The following SLC25A48 variants were observed in gnomAD, a reference collection of about 807,000 sequenced individuals.
The protein encoded by SLC25A48 is solute carrier family 25 member 48, also known as CTC-321K16.1.
In SLC25A48, 29 loss-of-function variants were observed where a neutral mutation model predicts 32.2. The observed-to-expected ratio is 0.90, with a 90% CI of 0.67 to 1.23. The LOEUF is 1.23. Among genes scored for constraint, SLC25A48 ranks in the 50% most tolerant of loss-of-function variants. SLC25A48 has a pLI of 0.00. For synonymous variants in SLC25A48, 164 were observed against 172.3 expected (o/e 0.95, Z 0.38); for missense variants, 399 against 422.7 (o/e 0.94, Z 0.49).
intron 1 of SLC25A48, among the ~76,000 whole-genome samples, chr5:135,839,246 T>C (rs1271050812): frequency 1.3e-5 from 2 of 152,138 alleles, no homozygotes; most frequent in East Asian, 3.8e-4. Context: ...AAGGCTGTAC[T>C]CTGCAAAATC....
intron 3 of SLC25A48, among the ~76,000 whole-genome samples, chr5:135,766,715 T>A (rs557888148): frequency 6.8e-5 from 10 of 146,908 alleles, no homozygotes; most frequent in African/African-American, 2.3e-4. Context: ...TGGGGGAGAG[T>A]GGGTGCTATT....
chr5:135,793,228 T>C (rs1757081348), intron 3 of SLC25A48, among the ~76,000 whole-genome samples: 1 of 151,440 alleles, frequency 6.6e-6, no homozygotes, highest in Admixed American at 6.6e-5. Context: ...TTATTTATAA[T>C]ATCCTTGGGA....
chr5:135,702,037 A>G (rs1480832975), intron 3 of SLC25A48, among the ~76,000 whole-genome samples: 3 of 152,222 alleles, frequency 2.0e-5, no homozygotes, highest in Non-Finnish European at 4.4e-5. Flanking sequence ...ATGAGCCTGG[A>G]GATACTGCAT....
At chr5:135,624,871 G>T (rs989725521) in intron 1 of SLC25A48, among the ~76,000 whole-genome samples, 2 of 152,154 alleles carry the variant, frequency 1.3e-5, no homozygotes, top group Non-Finnish European at 2.9e-5. Flanking sequence ...GAACACTGTC[G>T]ATCCCAATCT....
intron 3 of SLC25A48, among the ~76,000 whole-genome samples, chr5:135,767,739 G>A (rs1034033065): frequency 6.6e-6 from 1 of 151,454 alleles, no homozygotes; most frequent in African/African-American, 2.4e-5. Flanking sequence ...AGTGGGGGGA[G>A]TGGATGATAT....
At chr5:135,741,673 A>G (rs2127000601) in intron 3 of SLC25A48, among the ~76,000 whole-genome samples, 2 of 152,256 alleles carry the variant, frequency 1.3e-5, no homozygotes, top group South Asian at 4.1e-4. Context: ...CCGGGGAGAT[A>G]GAGGTTGCAG....
intron 3 of SLC25A48, among the ~76,000 whole-genome samples, chr5:135,690,684 G>C (rs1477762480): frequency 6.6e-6 from 1 of 152,186 alleles, no homozygotes; most frequent in Non-Finnish European, 1.5e-5. Flanking sequence ...CATGAGAGGT[G>C]TCTGGTGAGC....
At chr5:135,792,121 A>T (rs1482829866) in intron 3 of SLC25A48, among the ~76,000 whole-genome samples, 1 of 151,730 alleles carries the variant, frequency 6.6e-6, no homozygotes, top group East Asian at 1.9e-4. Context: ...CACACCCTGT[A>T]ATATTATTCA....
intron 3 of SLC25A48, among the ~76,000 whole-genome samples, chr5:135,710,351 C>T (rs1283989637): frequency 6.6e-6 from 1 of 152,230 alleles, no homozygotes; most frequent in Non-Finnish European, 1.5e-5. Context: ...ACGGCTCCAG[C>T]TCACTAATAT....
In SLC25A48 at chr5:135,874,669, C is replaced by T. The variant is rs1025654007; in HGVS notation, c.813+515C>T. ...CCTCTGGTCGTGGCTGAGGAGGCAG[C>T]CTCCAACACGTTTCCCTGGGCTGTG... On this transcript the variant is annotated intron_variant, in intron 6 of 7. Transcript: ENST00000681962. 1.9e-5 allele frequency: 13 copies of T among 701,720 alleles called. No individual in the cohort carries two copies. In the East Asian group the frequency reaches 2.7e-4, roughly 15 times the overall value. 43.5% of individuals were successfully genotyped at this position (701,720 alleles called of 1,614,324 possible).
At chr5:135,870,680 A>G (rs1049881741) in intron 4 of SLC25A48, among the ~76,000 whole-genome samples, 4 of 152,146 alleles carry the variant, frequency 2.6e-5, no homozygotes, top group Admixed American at 1.3e-4. Flanking sequence ...GGGTCCTGCC[A>G]CCAATTCATG....
chr5:135,628,746 A>G (rs1752494183), intron 1 of SLC25A48, among the ~76,000 whole-genome samples: 1 of 152,088 alleles, frequency 6.6e-6, no homozygotes. Flanking sequence ...TAGATATAGG[A>G]CAAATACAAG....
chr5:135,725,549 C>G (rs550440271), intron 3 of SLC25A48, among the ~76,000 whole-genome samples: 24 of 152,292 alleles, frequency 1.6e-4, no homozygotes, highest in African/African-American at 5.8e-4. Flanking sequence ...GGATTCCTAA[C>G]CTGCATCTCT....
At position 135,834,718 on chromosome 5, in the gene SLC25A48, G is replaced by GT; in HGVS notation, c.-130_-129insT. On this transcript the variant is annotated 5_prime_UTR_variant, in exon 1 of 8. Coordinates refer to ENST00000681962, the MANE Select transcript of SLC25A48 (RefSeq NM_001349336.2). ...AGCCGGTGACTGGGGGACTGGGTTT[G>GT]GAGTAGGACCTGCGGCGTGCTCGAG... is the stretch of plus-strand genomic sequence containing the variant. The GT allele has an allele frequency of 1.0e-6, 1 of 1,000,322 alleles. No individual in the cohort carries two copies. 62.0% of individuals were successfully genotyped at this position (1,000,322 alleles called of 1,614,324 possible).
At chr5:135,874,364 A>T (rs1271869572) in intron 6 of SLC25A48, among the ~76,000 whole-genome samples, 1 of 152,230 alleles carries the variant, frequency 6.6e-6, no homozygotes, top group Non-Finnish European at 1.5e-5. Flanking sequence ...ATGTGACCTG[A>T]CAGAGGTTCA....
chr5:135,583,821 C>G (rs1453863118), intron 1 of SLC25A48, among the ~76,000 whole-genome samples: 2 of 152,174 alleles, frequency 1.3e-5, no homozygotes, highest in Admixed American at 1.3e-4. Flanking sequence ...CTCTCCCTCT[C>G]CAGCTCCTCC....
intron 1 of SLC25A48, among the ~76,000 whole-genome samples, chr5:135,611,496 CAAAAAAAAAAAA>C (rs57138043): frequency 5.2e-4 from 11 of 21,344 alleles, no homozygotes; most frequent in South Asian, 5.9e-3. Context: ...GACTCCATCT[CAAAAAAAAAAAA>C]AAAAAAAAAA....
intron 3 of SLC25A48, chr5:135,649,433 G>T (rs1349357268): frequency 6.6e-6 from 1 of 152,360 alleles, no homozygotes; most frequent in Non-Finnish European, 1.5e-5. Context: ...TACCTGACTT[G>T]GTGGTGACTG....
At chr5:135,600,742 GTGCAATCTCGGCTCAC>G (rs1219683555) in intron 1 of SLC25A48, among the ~76,000 whole-genome samples, 1 of 151,810 alleles carries the variant, frequency 6.6e-6, no homozygotes, top group Non-Finnish European at 1.5e-5. Context: ...GAGTGCAGTG[GTGCAATCTCGGCTCAC>G]TGCAACCTCC....
Sources: allele counts gnomAD v4.1 joint callset (sites outside exome capture counted in the v4.1 genomes callset), GRCh38; gene constraint gnomAD v4.1.1; transcripts MANE v1.5; gene names NCBI Gene and HGNC (gene_info 2026-07-23, HGNC 2026-07-21).